NELL2: variants seen among roughly 807,000 people sequenced by gnomAD.
NELL2 encodes the protein neural EGFL like 2, also known as protein kinase C-binding protein NELL2.
A neutral mutation model predicts 109.6 loss-of-function variants in NELL2; 41 were observed. The observed-to-expected ratio is 0.37, with a 90% CI of 0.29 to 0.49. The LOEUF (loss-of-function observed/expected upper bound fraction) is 0.49. Ranked by LOEUF, NELL2 falls within the 20% of genes least tolerant of loss-of-function variation. The probability of loss-of-function intolerance (pLI) is 0.98; values close to 1 mark genes in which losing one functional copy is unlikely to be tolerated. For synonymous variants in NELL2, 355 were observed against 344.7 expected (o/e 1.03, Z -0.33); for missense variants, 900 against 1,008.3 (o/e 0.89, Z 1.45).
chr12:44,901,886 T>C (rs139527855), intron 1 of NELL2, among the ~76,000 whole-genome samples: 11 of 152,296 alleles, frequency 7.2e-5, no homozygotes, highest in Admixed American at 7.2e-4. Flanking sequence ...AAACTAGGTA[T>C]TGATGGAACG....
chr12:44,773,680 TG>T (rs1236475691), intron 9 of NELL2, among the ~76,000 whole-genome samples: 1 of 152,138 alleles, frequency 6.6e-6, no homozygotes, highest in Non-Finnish European at 1.5e-5. Context: ...AATTAGCTAG[TG>T]ACATGTAAGA....
chr12:44,595,702 A>G (rs1209129049), intron 15 of NELL2, among the ~76,000 whole-genome samples: 1 of 151,468 alleles, frequency 6.6e-6, no homozygotes, highest in Non-Finnish European at 1.5e-5. Context: ...CGGCCTCCCA[A>G]AGTGCTGGGA....
intron 2 of NELL2, among the ~76,000 whole-genome samples, chr12:44,817,977 G>C (rs1398382367): frequency 2.0e-5 from 3 of 152,152 alleles, no homozygotes; most frequent in Admixed American, 1.3e-4. Context: ...AGTCAGACTT[G>C]GGACAGTTGT....
At chr12:44,724,750 A>G (rs1566244252) in intron 9 of NELL2, among the ~76,000 whole-genome samples, 1 of 151,920 alleles carries the variant, frequency 6.6e-6, no homozygotes, top group African/African-American at 2.4e-5. Flanking sequence ...AACTAGAAAA[A>G]AAAAACCTAC....
At chr12:44,576,769 C>T (rs540464204) in intron 15 of NELL2, among the ~76,000 whole-genome samples, 20 of 152,118 alleles carry the variant, frequency 1.3e-4, no homozygotes, top group Non-Finnish European at 2.8e-4. Flanking sequence ...TTGTTCAATT[C>T]CCACCTGTGA....
chr12:44,716,779 G>C (rs1042902409), intron 9 of NELL2, among the ~76,000 whole-genome samples: 13 of 151,974 alleles, frequency 8.6e-5, no homozygotes, highest in African/African-American at 2.7e-4. Context: ...GTATGTGGAA[G>C]AAAAACAATG....
intron 2 of NELL2, among the ~76,000 whole-genome samples, chr12:44,867,039 C>T (rs79552539): frequency 0.018 from 2,690 of 152,214 alleles, 30 homozygotes; most frequent in African/African-American, 0.029. Context: ...GGCCTGATGG[C>T]TTCACTGCTA....
Position 44,703,814 on chromosome 12 carries a change from A to G in NELL2, c.1230T>C (p.Asn410=). The G allele has an allele frequency of 6.2e-7, 1 of 1,613,468 alleles. No homozygotes were observed. The highest frequency in any genetic ancestry group is 8.5e-7 in the Non-Finnish European group (1 of 1,179,568). Residue 410 remains asparagine, a synonymous_variant, in exon 12 of 20, where the codon AAT becomes AAC. Transcript: ENST00000429094. The part of the protein sequence containing the change: ...FCSERHNCME[N]SICRNLNDRA... Reference sequence around the variant, plus strand: ...TGTCATTCAGATTTCTGCAGATGGAATTCTCCATGCAGTTATGCCTTTCAG... The same window carrying G: ...TGTCATTCAGATTTCTGCAGATGGAGTTCTCCATGCAGTTATGCCTTTCAG...
At chr12:44,633,841 T>C (rs1027261726) in intron 13 of NELL2, among the ~76,000 whole-genome samples, 2 of 152,100 alleles carry the variant, frequency 1.3e-5, no homozygotes, top group Non-Finnish European at 2.9e-5. Flanking sequence ...TTGGCTGTCA[T>C]TGTTGGTTTA....
intron 3 of NELL2, among the ~76,000 whole-genome samples, chr12:44,806,746 T>C (rs900953713): frequency 6.6e-6 from 1 of 151,874 alleles, no homozygotes; most frequent in Admixed American, 6.6e-5. Flanking sequence ...TTTTTGCATT[T>C]GCATTTTTAA....
intron 19 of NELL2, among the ~76,000 whole-genome samples, chr12:44,509,765 AACTG>A (rs772160604): frequency 2.0e-5 from 3 of 152,198 alleles, no homozygotes; most frequent in African/African-American, 4.8e-5. Flanking sequence ...CAGCAGCCTG[AACTG>A]ACTAAGACAA....
chr12:44,553,787 C>T (rs1240571966), intron 15 of NELL2, among the ~76,000 whole-genome samples: 1 of 152,164 alleles, frequency 6.6e-6, no homozygotes, highest in East Asian at 1.9e-4. Flanking sequence ...CCACGGAGGA[C>T]AATGAATTGG....
At chr12:44,866,459 C>T (rs1437482707) in intron 2 of NELL2, among the ~76,000 whole-genome samples, 14 of 152,000 alleles carry the variant, frequency 9.2e-5, no homozygotes, top group Admixed American at 9.2e-4. Flanking sequence ...CATACCAAAA[C>T]ATAAAGGATG....
intron 15 of NELL2, among the ~76,000 whole-genome samples, chr12:44,583,003 G>A (rs1258238807): frequency 1.3e-5 from 2 of 152,054 alleles, no homozygotes; most frequent in African/African-American, 4.8e-5. Flanking sequence ...ATAGCACGAA[G>A]GCCCTTACCA....
At chr12:44,670,327 T>C (rs1395237942) in intron 12 of NELL2, among the ~76,000 whole-genome samples, 2 of 151,956 alleles carry the variant, frequency 1.3e-5, no homozygotes, top group East Asian at 1.9e-4. Flanking sequence ...AGAGCAGATA[T>C]ACAAATAAGA....
At chr12:44,655,865 C>T (rs1483562176) in intron 13 of NELL2, among the ~76,000 whole-genome samples, 3 of 152,026 alleles carry the variant, frequency 2.0e-5, no homozygotes, top group Non-Finnish European at 1.5e-5. Flanking sequence ...AGGGGGCATA[C>T]TTTACATTTT....
intron 12 of NELL2, among the ~76,000 whole-genome samples, chr12:44,701,692 C>G (rs1949235220): frequency 6.6e-6 from 1 of 152,052 alleles, no homozygotes; most frequent in African/African-American, 2.4e-5. Context: ...ATACCTTACT[C>G]CTCTTCACTT....
At chr12:44,535,663 T>C (rs1369719858) in intron 15 of NELL2, among the ~76,000 whole-genome samples, 1 of 152,008 alleles carries the variant, frequency 6.6e-6, no homozygotes, top group Non-Finnish European at 1.5e-5. Flanking sequence ...TGGCTACATA[T>C]TTATTTTTCT....
rs771280159 is a variant in NELL2, at chr12:44,816,067, T to C, written c.254A>G (p.His85Arg). ...EQFFQKLRNK[H>R]EFTILVTLKQ... ...TAGGGTCACCAAAATAGTAAATTCA[T>C]GTTTATTTCTCAGCTTCTGAAAAAA... Residue 85 changes from histidine to arginine, a missense_variant, in exon 3 of 20, where the codon CAT (histidine) becomes CGT (arginine). Coordinates refer to ENST00000429094, the MANE Select transcript of NELL2 (RefSeq NM_001145108.2). 8.1e-6 allele frequency: 13 copies of C among 1,613,692 alleles called. No individual in the cohort carries two copies. The Admixed American group carries it at 2.2e-4, about 27-fold the overall frequency.
Sources: allele counts gnomAD v4.1 joint callset (sites outside exome capture counted in the v4.1 genomes callset), GRCh38; gene constraint gnomAD v4.1.1; transcripts MANE v1.5; gene names NCBI Gene and HGNC (gene_info 2026-07-23, HGNC 2026-07-21).